The following BAZ2B variants were observed in gnomAD, a reference collection of about 807,000 sequenced individuals.
BAZ2B encodes the protein bromodomain adjacent to zinc finger domain protein 2B.
A neutral mutation model predicts 246.0 loss-of-function variants in BAZ2B; 91 were observed. The observed-to-expected ratio is 0.37, with a 90% CI of 0.31 to 0.44. The LOEUF (loss-of-function observed/expected upper bound fraction) is 0.44, where lower values mean the gene tolerates loss of function less well. Ranked by LOEUF, BAZ2B falls within the 20% of genes least tolerant of loss-of-function variation. The pLI, the probability that BAZ2B is intolerant of heterozygous loss-of-function variation, is 1.00. For missense variants in BAZ2B, 2,332 were observed against 2,533.7 expected (o/e 0.92, Z 1.71); for synonymous variants, 855 against 860.0 (o/e 0.99, Z 0.10).
chr2:159,639,010 A>AATAAACAGC, the BAZ2B span, among the ~76,000 whole-genome samples: 1 of 152,336 alleles, frequency 6.6e-6, no homozygotes, highest in Non-Finnish European at 1.5e-5. Context: ...AGATAAAAGA[A>AATAAACAGC]ATAAACAGCA....
chr2:159,334,006 G>T (rs535346717), intron 33 of BAZ2B, among the ~76,000 whole-genome samples: 7 of 152,010 alleles, frequency 4.6e-5, no homozygotes, highest in Non-Finnish European at 7.4e-5. Context: ...CTCCATATTT[G>T]AGTTACATCG....
chr2:159,386,063 T>C lies in BAZ2B; in HGVS notation c.3471+290A>G, dbSNP rs114030052. Among the ~76,000 whole-genome samples the C allele has an allele frequency of 3.9e-4, 59 of 152,282 alleles. 1 individual carries two copies. The highest frequency in any genetic ancestry group is 1.1e-3 in the African/African-American group (44 of 41,576). On this transcript the variant is annotated intron_variant, in intron 22 of 36. Transcript: ENST00000392783. ...CAAGTTCTAGTTGCCTTATGAATTA[T>C]GAATTCTGTTGTTGATGAATATCGC... is the stretch of plus-strand genomic sequence containing the variant.
At chr2:159,605,344 G>A (rs1693224654) in intron 1 of BAZ2B, among the ~76,000 whole-genome samples, 1 of 151,954 alleles carries the variant, frequency 6.6e-6, no homozygotes, top group African/African-American at 2.4e-5. Flanking sequence ...CTTGATAAGT[G>A]ATTTTTATTT....
rs555657185 is a variant in BAZ2B at position 159,473,269 on chromosome 2, G to A, written c.145+5306C>T. Among the ~76,000 whole-genome samples, 3 of 152,292 alleles carry A rather than the reference G, an allele frequency of 2.0e-5. No homozygotes were observed. The East Asian group carries it at 5.8e-4, about 29-fold the overall frequency. Reference sequence around the variant, plus strand: ...AGAACTTGTTATTGGTCTATTCAGGGATTCGACCTCTTCCTGGTTTTGTCT... The same window carrying A: ...AGAACTTGTTATTGGTCTATTCAGGAATTCGACCTCTTCCTGGTTTTGTCT... On this transcript the variant is annotated intron_variant, in intron 3 of 36. Coordinates refer to ENST00000392783, the MANE Select transcript of BAZ2B (RefSeq NM_013450.4).
intron 16 of BAZ2B, 39 bp downstream of exon 16, chr2:159,404,810 T>C: frequency 6.6e-7 from 1 of 1,514,950 alleles, no homozygotes; most frequent in Non-Finnish European, 9.1e-7. Flanking sequence ...TCAAAATAAG[T>C]CCCATATTTT....
At chr2:159,333,255 A>T (rs1381311158) in intron 33 of BAZ2B, among the ~76,000 whole-genome samples, 2 of 152,214 alleles carry the variant, frequency 1.3e-5, no homozygotes, top group Non-Finnish European at 1.5e-5. Context: ...TTGAAAATCA[A>T]CCCAAATCAA....
rs534478288 is a variant in BAZ2B at position 159,349,911 on chromosome 2, C to T, written c.4660G>A (p.Glu1554Lys). The T allele has an allele frequency of 1.2e-6, 2 of 1,614,158 alleles. No individual in the cohort carries two copies. Among genetic ancestry groups the T allele is most frequent in the African/African-American group, 2.7e-5 (2 of 75,052 alleles). ...PNDQLLKTLT[E>K]KNRQWFSLLP... Reference sequence around the variant, plus strand: ...AGACTAAACCATTGTCTATTCTTTTCAGTCAGCGTTTTTAGTAACTGGTCA... The same window carrying T: ...AGACTAAACCATTGTCTATTCTTTTTAGTCAGCGTTTTTAGTAACTGGTCA... Residue 1554 changes from glutamate to lysine, a missense_variant, in exon 28 of 37, where the codon GAA becomes AAA. Glu to Lys is a moderately conservative substitution (Grantham distance 56, BLOSUM62 1). This residue lies in a region of BAZ2B where 676 missense variants were observed against 668.6 expected (regional missense o/e 1.01). Coordinates refer to ENST00000392783, the MANE Select transcript of BAZ2B (RefSeq NM_013450.4).
chr2:159,644,383 C>T, the BAZ2B span, among the ~76,000 whole-genome samples: 13 of 152,302 alleles, frequency 8.5e-5, no homozygotes, highest in African/African-American at 3.1e-4. Context: ...TGATATCCCA[C>T]CTTCCAGGCC....
rs1242916990 is a variant in BAZ2B, at chr2:159,397,347, G to C, written c.3007C>G (p.Gln1003Glu). The change falls in exon 19 of 37, where the codon CAG (glutamine) becomes GAG (glutamate). Residue 1003 changes from glutamine to glutamate, a missense_variant and splice_region_variant. By Grantham distance (29) the Gln-to-Glu change is conservative. Coordinates refer to ENST00000392783, the MANE Select transcript of BAZ2B (RefSeq NM_013450.4). ...RRQQAVLLKHQERERRRQHMM... is the reference protein window; with the variant it reads ...RRQQAVLLKHEERERRRQHMM... ...TGTATAACTATACATATACAGACCTGATGTTTCAGAAGAACAGCTTGTTGT... is the reference window on the plus strand; with the variant it reads ...TGTATAACTATACATATACAGACCTCATGTTTCAGAAGAACAGCTTGTTGT... 2.6e-6 allele frequency: 4 copies of C among 1,545,478 alleles called. No homozygotes were observed. Among genetic ancestry groups the C allele is most frequent in the Admixed American group, 1.8e-5 (1 of 54,660 alleles).
intron 33 of BAZ2B, among the ~76,000 whole-genome samples, chr2:159,336,093 A>G (rs2193919): frequency 0.92 from 140,047 of 152,226 alleles, 65,574 homozygotes; most frequent in East Asian, 1. Context: ...CCCAGGAGGC[A>G]GAGGTTGCAG....
At chr2:159,454,532 A>G (rs1419359239) in intron 3 of BAZ2B, among the ~76,000 whole-genome samples, 2 of 152,306 alleles carry the variant, frequency 1.3e-5, no homozygotes, top group East Asian at 1.9e-4. Flanking sequence ...AAATATTTGT[A>G]TATCTAGACA....
chr2:159,518,683 A>G (rs1351518434), intron 2 of BAZ2B, among the ~76,000 whole-genome samples: 1 of 152,220 alleles, frequency 6.6e-6, no homozygotes, highest in Non-Finnish European at 1.5e-5. Flanking sequence ...GAGTAGAAGA[A>G]CAGAATGCCG....
At chr2:159,593,021 T>C (rs1689760086) in intron 1 of BAZ2B, among the ~76,000 whole-genome samples, 1 of 152,186 alleles carries the variant, frequency 6.6e-6, no homozygotes, top group African/African-American at 2.4e-5. Context: ...GCCTTAAGAT[T>C]TGTGATGCAG....
At chr2:159,353,131 G>A (rs1221053483) in intron 27 of BAZ2B, among the ~76,000 whole-genome samples, 1 of 152,142 alleles carries the variant, frequency 6.6e-6, no homozygotes, top group East Asian at 1.9e-4. Flanking sequence ...GCACAATTTT[G>A]TTATATAGGT....
intron 3 of BAZ2B, among the ~76,000 whole-genome samples, chr2:159,465,510 C>A (rs1364363398): frequency 2.6e-5 from 4 of 152,084 alleles, no homozygotes; most frequent in African/African-American, 9.7e-5. Context: ...CTACTAAAAT[C>A]CCAAATTAAA....
At chr2:159,606,343 C>G (rs1250628663) in intron 1 of BAZ2B, among the ~76,000 whole-genome samples, 8 of 152,140 alleles carry the variant, frequency 5.3e-5, no homozygotes, top group Non-Finnish European at 1.2e-4. Flanking sequence ...CCTTGCAGAG[C>G]CTGTTTTTCT....
chr2:159,374,588 C>A, intron 26 of BAZ2B, 103 bp downstream of exon 26: 2 of 954,830 alleles, frequency 2.1e-6, no homozygotes, highest in Admixed American at 2.2e-5. Flanking sequence ...AATTACTCAC[C>A]AAAAGCCTAT....
At chr2:159,657,596 T>C in the BAZ2B span, among the ~76,000 whole-genome samples, 4 of 152,232 alleles carry the variant, frequency 2.6e-5, no homozygotes, top group Non-Finnish European at 5.9e-5. Context: ...TCCATGTACA[T>C]GGAATATCTC....
intron 1 of BAZ2B, among the ~76,000 whole-genome samples, chr2:159,570,846 T>C (rs996207318): frequency 1.3e-5 from 2 of 152,120 alleles, no homozygotes; most frequent in Non-Finnish European, 2.9e-5. Flanking sequence ...TCCCCTATTG[T>C]TAGCATTTTC....
Sources: gnomAD v4.1 joint callset for allele counts (sites outside exome capture counted in the v4.1 genomes callset) on GRCh38, gnomAD v4.1.1 for gene constraint, gnomAD v4.1.1 regional missense constraint, MANE v1.5 for transcripts, NCBI Gene and HGNC (gene_info 2026-07-23, HGNC 2026-07-21) for gene names.